The following ZNF385B variants were observed in gnomAD, a reference collection of about 807,000 sequenced individuals.
ZNF385B encodes the protein zinc finger protein 385B.
Under a neutral mutation model 39.2 loss-of-function variants are expected in ZNF385B, and 23 were observed. That is an observed-to-expected ratio of 0.59 (90% CI 0.42 to 0.83). The LOEUF (loss-of-function observed/expected upper bound fraction) is 0.83. Ranked by LOEUF, ZNF385B falls within the 40% of genes least tolerant of loss-of-function variation. The pLI is 0.00. For missense variants in ZNF385B, 552 were observed against 598.9 expected (o/e 0.92, Z 0.82); for synonymous variants, 205 against 222.6 (o/e 0.92, Z 0.70).
intron 1 of ZNF385B, among the ~76,000 whole-genome samples, chr2:179,828,932 A>G (rs1014127496): frequency 2.0e-5 from 3 of 152,232 alleles, no homozygotes; most frequent in African/African-American, 7.2e-5. Flanking sequence ...AAAGAAAGAG[A>G]ATGAGAAAGA....
intron 1 of ZNF385B, among the ~76,000 whole-genome samples, chr2:179,843,244 C>T (rs1406574177): frequency 1.3e-5 from 2 of 152,136 alleles, no homozygotes; most frequent in African/African-American, 2.4e-5. Context: ...CACAACTCTC[C>T]CCTGAGGCAA....
chr2:179,527,738 G>A (rs2058999797), intron 4 of ZNF385B, among the ~76,000 whole-genome samples: 1 of 151,940 alleles, frequency 6.6e-6, no homozygotes, highest in Admixed American at 6.6e-5. Flanking sequence ...CTTCCAATTT[G>A]TTTATATATT....
At chr2:179,581,650 A>G (rs72957991) in intron 3 of ZNF385B, among the ~76,000 whole-genome samples, 11,754 of 152,248 alleles carry the variant, frequency 0.077, 530 homozygotes, top group Non-Finnish European at 0.1. Context: ...TGTCTTTCCA[A>G]TCTCCAAAAT....
rs770399846 is a variant in ZNF385B at position 179,446,584 on chromosome 2, T to A, written c.902A>T (p.Tyr301Phe). 8 of 1,614,126 alleles carry A rather than the reference T, an allele frequency of 5.0e-6. No individual in the cohort carries two copies. Among genetic ancestry groups the A allele is most frequent in the Non-Finnish European group, 6.8e-6 (8 of 1,179,996 alleles). Residue 301 changes from tyrosine to phenylalanine, a missense_variant, in exon 7 of 10, where the codon TAT (tyrosine) becomes TTT (phenylalanine). Physicochemically the swap from Tyr to Phe is conservative, Grantham distance 22. Transcript: ENST00000410066. ...CACAGCCACTTTGCATAGTGAACAA[T>A]AAAGTAATTTTTTGGCTTTTTCTTC... ...SEEEKAKKLL[Y>F]CSLCKVAVNS...
chr2:179,603,365 A>G (rs913540957), intron 3 of ZNF385B, among the ~76,000 whole-genome samples: 1 of 152,196 alleles, frequency 6.6e-6, no homozygotes, highest in African/African-American at 2.4e-5. Context: ...GCGATCTTCC[A>G]AGGCAGCCCA....
intron 1 of ZNF385B, among the ~76,000 whole-genome samples, chr2:179,793,351 G>A (rs1281350455): frequency 6.6e-6 from 1 of 152,178 alleles, no homozygotes; most frequent in African/African-American, 2.4e-5. Flanking sequence ...TCCAGCTGTG[G>A]CTAAAATGTT....
At chr2:179,567,575 G>A (rs1035857216) in intron 3 of ZNF385B, among the ~76,000 whole-genome samples, 4 of 152,204 alleles carry the variant, frequency 2.6e-5, no homozygotes, top group African/African-American at 7.2e-5. Flanking sequence ...AGGGCAGGAA[G>A]CTTTGTTTCA....
chr2:179,518,478 G>T, intron 5 of ZNF385B, 50 bp downstream of exon 5: 1 of 1,312,190 alleles, frequency 7.6e-7, no homozygotes, highest in Non-Finnish European at 1.1e-6. Context: ...AGATCAATCA[G>T]ACTTTTAGCT....
At chr2:179,622,481 A>G (rs1575009281) in intron 3 of ZNF385B, among the ~76,000 whole-genome samples, 1 of 152,326 alleles carries the variant, frequency 6.6e-6, no homozygotes, top group East Asian at 1.9e-4. Flanking sequence ...TCAGAGAGGT[A>G]ACAAAGTTAA....
chr2:179,452,681 C>T (rs926482572), intron 6 of ZNF385B, among the ~76,000 whole-genome samples: 1 of 152,024 alleles, frequency 6.6e-6, no homozygotes, highest in African/African-American at 2.4e-5. Flanking sequence ...ATAACAGATA[C>T]ATATTTTATA....
chr2:179,746,040 A>C, intron 3 of ZNF385B: 1 of 1,079,548 alleles, frequency 9.3e-7, no homozygotes, highest in South Asian at 4.5e-5. Flanking sequence ...AACCAGAAGC[A>C]CTGTCAATGT....
chr2:179,491,332 G>C (rs1387725344), intron 5 of ZNF385B, among the ~76,000 whole-genome samples: 2 of 152,154 alleles, frequency 1.3e-5, no homozygotes, highest in Non-Finnish European at 2.9e-5. Flanking sequence ...CAATATCTGA[G>C]TCAATTTAAT....
At chr2:179,810,435 T>A (rs1706661967) in intron 1 of ZNF385B, among the ~76,000 whole-genome samples, 1 of 151,814 alleles carries the variant, frequency 6.6e-6, no homozygotes, top group African/African-American at 2.4e-5. Context: ...ATATTCTTTA[T>A]TTTTTTAGTA....
intron 6 of ZNF385B, among the ~76,000 whole-genome samples, chr2:179,456,023 G>C (rs1352320807): frequency 6.6e-6 from 1 of 152,068 alleles, no homozygotes; most frequent in African/African-American, 2.4e-5. Context: ...AATGATGTTT[G>C]CACAATGACA....
intron 3 of ZNF385B, among the ~76,000 whole-genome samples, chr2:179,606,778 T>C (rs1688841230): frequency 6.6e-6 from 1 of 152,214 alleles, no homozygotes; most frequent in Admixed American, 6.5e-5. Context: ...AGAGAAAATC[T>C]ATATTCTCAT....
intron 3 of ZNF385B, among the ~76,000 whole-genome samples, chr2:179,565,062 G>A (rs1273422767): frequency 1.3e-5 from 2 of 152,058 alleles, no homozygotes; most frequent in Admixed American, 1.3e-4. Context: ...CCTTCATTTA[G>A]GTCCTTATTA....
At chr2:179,776,129 A>C (rs1290508355) in intron 1 of ZNF385B, among the ~76,000 whole-genome samples, 1 of 152,246 alleles carries the variant, frequency 6.6e-6, no homozygotes, top group Non-Finnish European at 1.5e-5. Flanking sequence ...AATAAACCCA[A>C]CTTTGGAGAA....
At chr2:179,695,450 C>G (rs1339600849) in intron 3 of ZNF385B, among the ~76,000 whole-genome samples, 1 of 151,750 alleles carries the variant, frequency 6.6e-6, no homozygotes, top group Non-Finnish European at 1.5e-5. Context: ...CTGAAAGAAA[C>G]TTGTTTCTAG....
intron 3 of ZNF385B, among the ~76,000 whole-genome samples, chr2:179,575,608 C>T (rs375185260): frequency 1.6e-4 from 24 of 152,170 alleles, no homozygotes; most frequent in African/African-American, 5.8e-4. Context: ...GGGAGTGAGG[C>T]TCCATGTGGT....
Sources: allele counts gnomAD v4.1 joint callset (sites outside exome capture counted in the v4.1 genomes callset), GRCh38; gene constraint gnomAD v4.1.1; transcripts MANE v1.5; gene names NCBI Gene and HGNC (gene_info 2026-07-23, HGNC 2026-07-21).